The following CPPED1 variants were observed in gnomAD, a reference collection of about 807,000 sequenced individuals.
CPPED1 encodes the protein serine/threonine-protein phosphatase CPPED1.
Under a neutral mutation model 28.0 loss-of-function variants are expected in CPPED1, and 28 were observed. That is an observed-to-expected ratio of 1.00 (90% CI 0.74 to 1.37). CPPED1 has a LOEUF of 1.37. Ranked by LOEUF, CPPED1 falls within the 40% of genes most tolerant of loss-of-function variation. CPPED1 has a pLI of 0.00. For missense variants in CPPED1, 504 were observed against 416.5 expected (o/e 1.21, Z -1.83); for synonymous variants, 198 against 180.2 (o/e 1.10, Z -0.79).
intron 2 of CPPED1, among the ~76,000 whole-genome samples, chr16:12,761,618 A>G (rs545922775): frequency 2.0e-4 from 30 of 152,316 alleles, no homozygotes; most frequent in African/African-American, 7.2e-4. Flanking sequence ...GTTAACCAGA[A>G]ATAAATAAAA....
intron 3 of CPPED1, among the ~76,000 whole-genome samples, chr16:12,680,452 A>G (rs957033915): frequency 1.3e-5 from 2 of 152,136 alleles, no homozygotes; most frequent in Admixed American, 6.5e-5. Context: ...TCTTAATAAT[A>G]AAAATACTGT....
rs1433467180 is a variant in CPPED1, at chr16:12,662,866, AT to A, written c.*2019del. ...TTTTTGGGGAAGGAGATTTGGTTTC[AT>A]TTTCATTACTTTCAATTATCTCCAT... On this transcript the variant is annotated 3_prime_UTR_variant, in exon 4 of 4. Transcript: ENST00000381774. 1 of 151,966 alleles carries A rather than the reference AT, an allele frequency of 6.6e-6. No individual in the cohort carries two copies. Among genetic ancestry groups the A allele is most frequent in the African/African-American group, 2.4e-5 (1 of 41,372 alleles). The allele number at this position is 151,966 out of a possible 1,614,324, so 9.4% of individuals were successfully genotyped here.
rs1410719324 is a variant in CPPED1, at chr16:12,781,171, G to T, written c.289+14C>A. On this transcript the variant is annotated intron_variant, in intron 2 of 3. Coordinates refer to ENST00000381774, the MANE Select transcript of CPPED1 (RefSeq NM_018340.3). The stretch of plus-strand genomic sequence containing the variant: ...TGAAGGAGAAAAGGTCACAAGCGAT[G>T]ACCCGAGTCTTACCTGGCATGGCGT... 1.2e-6 allele frequency: 2 copies of T among 1,606,788 alleles called. No homozygotes were observed. Among genetic ancestry groups the T allele is most frequent in the African/African-American group, 1.3e-5 (1 of 74,940 alleles).
At position 12,720,399 on chromosome 16, in the gene CPPED1, C is replaced by A. The variant is rs145044344; in HGVS notation, c.290-15350G>T. 3.8e-3 allele frequency: 593 copies of A among 154,492 alleles called. 8 individuals carry two copies. Among genetic ancestry groups the A allele is most frequent in the African/African-American group, 0.014 (570 of 41,658 alleles). 9.6% of individuals were successfully genotyped at this position (154,492 alleles called of 1,614,324 possible). Reference sequence around the variant, plus strand: ...GCTTTTCCTAAAGAGGTGTTCAAATCCCGCACACCAAAGGATTTGTGCTTC... The same window carrying A: ...GCTTTTCCTAAAGAGGTGTTCAAATACCGCACACCAAAGGATTTGTGCTTC... On this transcript the variant is annotated intron_variant, in intron 2 of 3. Transcript: ENST00000381774.
At chr16:12,707,923 G>A (rs1008626364) in intron 2 of CPPED1, among the ~76,000 whole-genome samples, 15 of 152,196 alleles carry the variant, frequency 9.9e-5, no homozygotes, top group African/African-American at 3.4e-4. Flanking sequence ...TAGGCGGGCA[G>A]ACAACTTGAG....
intron 1 of CPPED1, among the ~76,000 whole-genome samples, chr16:12,785,553 G>A (rs1468103039): frequency 6.0e-5 from 9 of 150,708 alleles, no homozygotes; most frequent in Admixed American, 4.0e-4. Flanking sequence ...TCAGCCTCCC[G>A]AGTAGCTGCG....
chr16:12,733,481 G>C (rs1282819951), intron 2 of CPPED1, among the ~76,000 whole-genome samples: 3 of 152,062 alleles, frequency 2.0e-5, no homozygotes, highest in Non-Finnish European at 4.4e-5. Context: ...CAGCATGTTG[G>C]CCAGGCTGGT....
At chr16:12,697,325 G>A (rs929748167) in intron 3 of CPPED1, among the ~76,000 whole-genome samples, 18 of 152,094 alleles carry the variant, frequency 1.2e-4, no homozygotes, top group Non-Finnish European at 1.9e-4. Context: ...TACATGTGAA[G>A]CTGATCACCC....
chr16:12,782,580 C>A (rs1187598178), intron 1 of CPPED1, among the ~76,000 whole-genome samples: 2 of 146,396 alleles, frequency 1.4e-5, no homozygotes, highest in African/African-American at 5.0e-5. Context: ...TAATGTATGG[C>A]CAGGTACAGT....
At chr16:12,745,719 G>A (rs959534026) in intron 2 of CPPED1, among the ~76,000 whole-genome samples, 1 of 152,234 alleles carries the variant, frequency 6.6e-6, no homozygotes, top group Non-Finnish European at 1.5e-5. Flanking sequence ...GATAACCATT[G>A]GGTACTGAGC....
intron 3 of CPPED1, among the ~76,000 whole-genome samples, chr16:12,680,008 C>A (rs2079896870): frequency 6.6e-6 from 1 of 152,144 alleles, no homozygotes; most frequent in Admixed American, 6.5e-5. Context: ...GAGAGTAGCT[C>A]CAAGAGATTA....
chr16:12,801,398 C>G (rs372354963), intron 1 of CPPED1, among the ~76,000 whole-genome samples: 129 of 151,860 alleles, frequency 8.5e-4, no homozygotes, highest in African/African-American at 3.0e-3. Context: ...CGGCCCTCAA[C>G]AAATATATAG....
intron 1 of CPPED1, among the ~76,000 whole-genome samples, chr16:12,789,220 A>C (rs1031611452): frequency 6.6e-6 from 1 of 152,050 alleles, no homozygotes; most frequent in Non-Finnish European, 1.5e-5. Flanking sequence ...AATTTGCCAC[A>C]GTCCCCACCT....
At chr16:12,803,665 G>A (rs3748977) in intron 1 of CPPED1, 42 bp downstream of exon 1, 48,984 of 1,421,188 alleles carry the variant, frequency 0.034, 1,815 homozygotes, top group East Asian at 0.21. Flanking sequence ...GGAAGGTTCC[G>A]CAGCCCCAGA....
chr16:12,742,186 A>G (rs565053482), intron 2 of CPPED1, among the ~76,000 whole-genome samples: 5 of 152,380 alleles, frequency 3.3e-5, no homozygotes, highest in African/African-American at 1.2e-4. Context: ...GGCATTTTAC[A>G]TAACTACAGA....
rs543814728 is a variant in CPPED1 at position 12,733,424 on chromosome 16, G to A, written c.290-28375C>T. Among the ~76,000 whole-genome samples the A allele has an allele frequency of 1.4e-4, 21 of 152,034 alleles. No homozygotes were observed. In the East Asian group the frequency reaches 3.7e-3, roughly 27 times the overall value. ...TGAGTAGTTAGGATTACAGGCGCCC[G>A]CCACCACATTCGGCTAATTTTTGTA... On this transcript the variant is annotated intron_variant, in intron 2 of 3. Transcript: ENST00000381774.
intron 2 of CPPED1, among the ~76,000 whole-genome samples, chr16:12,739,720 A>G (rs1045167719): frequency 5.9e-5 from 9 of 152,130 alleles, no homozygotes; most frequent in African/African-American, 1.9e-4. Context: ...AAGCAACAAC[A>G]TGGTTCGCAG....
rs1012638013 is a variant in CPPED1, at chr16:12,803,625, G to A, written c.70+82C>T. ...CCCCGGATGGTGTCCGACTGGCGGA[G>A]CGCACACCTGAACAAAAGGTTCCCC... On this transcript the variant is annotated intron_variant, in intron 1 of 3. Coordinates refer to ENST00000381774, the MANE Select transcript of CPPED1 (RefSeq NM_018340.3). 35 of 1,209,130 alleles carry A rather than the reference G, an allele frequency of 2.9e-5. No homozygotes were observed. In the South Asian group the frequency reaches 4.8e-4, roughly 17 times the overall value. The allele number at this position is 1,209,130 out of a possible 1,614,324, so 74.9% of individuals were successfully genotyped here. A position where few individuals can be genotyped will look rare whatever the true frequency, so the allele number is the denominator to read the frequency against.
chr16:12,690,654 G>C (rs2079957562), intron 3 of CPPED1, among the ~76,000 whole-genome samples: 1 of 123,366 alleles, frequency 8.1e-6, no homozygotes, highest in Admixed American at 8.4e-5. Flanking sequence ...GTGAGATCTA[G>C]TTTCTACCAA....
Sources: allele counts gnomAD v4.1 joint callset (sites outside exome capture counted in the v4.1 genomes callset), GRCh38; gene constraint gnomAD v4.1.1; transcripts MANE v1.5; gene names NCBI Gene and HGNC (gene_info 2026-07-23, HGNC 2026-07-21).